PARD6G: variants seen among roughly 807,000 people sequenced by gnomAD.
PARD6G encodes par-6 family cell polarity regulator gamma.
PARD6G carries 7 observed loss-of-function variants against 10.7 expected under a neutral mutation model. That is an observed-to-expected ratio of 0.66 (90% CI 0.37 to 1.23). The LOEUF is 1.23. PARD6G is among the 50% of genes most tolerant of loss of function. PARD6G has a pLI of 0.02. For missense variants in PARD6G, 548 were observed against 571.8 expected (o/e 0.96, Z 0.42); for synonymous variants, 287 against 269.4 (o/e 1.07, Z -0.64).
intron 1 of PARD6G, among the ~76,000 whole-genome samples, chr18:80,245,652 A>G (rs1382806868): frequency 6.6e-6 from 1 of 152,126 alleles, no homozygotes; most frequent in African/African-American, 2.4e-5. Flanking sequence ...ATCTCAAAAT[A>G]AAAAGTTAAA....
At chr18:80,225,108 C>A (rs1967277295) in intron 1 of PARD6G, among the ~76,000 whole-genome samples, 1 of 152,222 alleles carries the variant, frequency 6.6e-6, no homozygotes, top group Non-Finnish European at 1.5e-5. Flanking sequence ...CAAAGTGCAG[C>A]TCTGGCTCAG....
chr18:80,246,107 A>G lies in PARD6G; in HGVS notation c.72+1170T>C, dbSNP rs1261585907. Among the ~76,000 whole-genome samples, 1 of 151,726 alleles carries G rather than the reference A, an allele frequency of 6.6e-6. No individual in the cohort carries two copies. The highest frequency in any genetic ancestry group is 2.4e-5 in the African/African-American group (1 of 41,278). ...CCTCCCCAGAGACAGGGGAGGGAAC[A>G]CCCGCCCTGCGCCCAAGATAGGCAC... On this transcript the variant is annotated intron_variant, in intron 1 of 2. Coordinates refer to ENST00000353265, the MANE Select transcript of PARD6G (RefSeq NM_032510.4). The surrounding 1 kb of genome is among the most constrained non-coding windows in gnomAD (Gnocchi z 6.7).
chr18:80,210,382 A>G (rs1394534756), intron 1 of PARD6G, among the ~76,000 whole-genome samples: 1 of 152,238 alleles, frequency 6.6e-6, no homozygotes, highest in Non-Finnish European at 1.5e-5. Flanking sequence ...TCTCAGTAAG[A>G]GCAGCAAGCT....
In PARD6G at chr18:80,157,958, G is replaced by C. The variant is rs2052666532; in HGVS notation, c.*1813C>G. ...TGGTGCTGGACCACAAGGAGAAGCA[G>C]CGGGAGGTACGCAGCTCCGACAACC... On this transcript the variant is annotated 3_prime_UTR_variant, in exon 3 of 3. Coordinates refer to ENST00000353265, the MANE Select transcript of PARD6G (RefSeq NM_032510.4). 6.6e-6 allele frequency: 1 copy of C among 152,306 alleles called. No homozygotes were observed. The highest frequency in any genetic ancestry group is 2.1e-4 in the South Asian group (1 of 4,828). The allele number at this position is 152,306 out of a possible 1,614,324, so 9.4% of individuals were successfully genotyped here.
At chr18:80,172,341 G>A (rs981090394) in intron 2 of PARD6G, among the ~76,000 whole-genome samples, 1 of 150,538 alleles carries the variant, frequency 6.6e-6, no homozygotes, top group Non-Finnish European at 1.5e-5. Context: ...TGTCTATTCA[G>A]ATCCTTTGCC....
At chr18:80,236,920 T>C (rs555169680) in intron 1 of PARD6G, among the ~76,000 whole-genome samples, 3,880 of 152,194 alleles carry the variant, frequency 0.025, 158 homozygotes, top group African/African-American at 0.089. Flanking sequence ...AATGGCCATA[T>C]TGCCCAAGGT....
At chr18:80,173,394 G>C (rs964346541) in intron 2 of PARD6G, among the ~76,000 whole-genome samples, 2 of 152,310 alleles carry the variant, frequency 1.3e-5, no homozygotes, top group Middle Eastern at 6.8e-3. Flanking sequence ...GGAGGCCGAA[G>C]TGAGTGGATC....
At chr18:80,211,666 A>G (rs1967109657) in intron 1 of PARD6G, among the ~76,000 whole-genome samples, 1 of 152,244 alleles carries the variant, frequency 6.6e-6, no homozygotes, top group Non-Finnish European at 1.5e-5. Flanking sequence ...CTAAGTATCC[A>G]TCAATGGATG....
chr18:80,160,053 G>A lies in PARD6G; in HGVS notation c.849C>T (p.Arg283=), dbSNP rs1380842504. The A allele has an allele frequency of 6.5e-7, 1 of 1,548,414 alleles. No homozygotes were observed. Among genetic ancestry groups the A allele is most frequent in the South Asian group, 1.3e-5 (1 of 79,940 alleles). ...CGTCGGGGTGGAAGTTCTGCAGGACGCGCGGGGCGGGGGGACCCACGAAGC... is the reference window on the plus strand; with the variant it reads ...CGTCGGGGTGGAAGTTCTGCAGGACACGCGGGGCGGGGGGACCCACGAAGC... ...TAGFVGPPAP[R]VLQNFHPDEA... The change falls in exon 3 of 3, where the codon CGC becomes CGT. Residue 283 remains arginine (R), a synonymous_variant. Coordinates refer to ENST00000353265, the MANE Select transcript of PARD6G (RefSeq NM_032510.4).
rs2052858363 is a variant in PARD6G, at chr18:80,183,522, C to T, written c.295+19188G>A. ...GTGATCCTGCCGGTCGTACACACAG[C>T]CCCAGCTCGAGCACTGTGCGGCCAC... On this transcript the variant is annotated intron_variant, in intron 2 of 2. Transcript: ENST00000353265. The surrounding 1 kb of genome is among the most constrained non-coding windows in gnomAD (Gnocchi z 4.5). 6.6e-6 allele frequency among the ~76,000 whole-genome samples: 1 copy of T among 152,128 alleles called. No homozygotes were observed. The highest frequency in any genetic ancestry group is 2.4e-5 in the African/African-American group (1 of 41,412).
At chr18:80,203,445 C>T (rs962859387) in intron 1 of PARD6G, among the ~76,000 whole-genome samples, 5 of 152,124 alleles carry the variant, frequency 3.3e-5, no homozygotes, top group African/African-American at 1.2e-4. Context: ...TCCACAGAGA[C>T]CCAGGACGGC....
At chr18:80,211,610 T>C (rs895309753) in intron 1 of PARD6G, among the ~76,000 whole-genome samples, 12 of 152,236 alleles carry the variant, frequency 7.9e-5, no homozygotes, top group African/African-American at 2.7e-4. Context: ...TATTTGTATA[T>C]CCATGTCCAT....
At chr18:80,193,178 C>T (rs866858619) in intron 2 of PARD6G, among the ~76,000 whole-genome samples, 2 of 152,184 alleles carry the variant, frequency 1.3e-5, no homozygotes, top group South Asian at 2.1e-4. Flanking sequence ...ACGTCCTCCC[C>T]ACTCCAGGTC....
intron 1 of PARD6G, among the ~76,000 whole-genome samples, chr18:80,223,735 C>CT (rs1028516025): frequency 6.6e-6 from 1 of 152,184 alleles, no homozygotes; most frequent in African/African-American, 2.4e-5. Context: ...CATGACAACC[C>CT]CGAGGACGGC....
chr18:80,218,114 C>A (rs1967190035), intron 1 of PARD6G, among the ~76,000 whole-genome samples: 1 of 152,100 alleles, frequency 6.6e-6, no homozygotes, highest in South Asian at 2.1e-4. Context: ...CACACCATAT[C>A]ATTCCACCCT....
At chr18:80,213,826 C>T (rs767150776) in intron 1 of PARD6G, among the ~76,000 whole-genome samples, 11 of 151,068 alleles carry the variant, frequency 7.3e-5, no homozygotes, top group Admixed American at 1.3e-4. Context: ...GGCGTGGTGG[C>T]GGGTGTGTGT....
At chr18:80,190,005 A>G (rs1286560023) in intron 2 of PARD6G, among the ~76,000 whole-genome samples, 3 of 152,120 alleles carry the variant, frequency 2.0e-5, no homozygotes, top group Non-Finnish European at 4.4e-5. Flanking sequence ...ATCACCCCAA[A>G]AAGAAACCCC....
At chr18:80,222,323 A>T (rs1342583424) in intron 1 of PARD6G, among the ~76,000 whole-genome samples, 4 of 152,150 alleles carry the variant, frequency 2.6e-5, no homozygotes, top group African/African-American at 9.7e-5. Context: ...TCCTAGGCTC[A>T]AGTGATCCTT....
chr18:80,233,480 C>G (rs1967382910), intron 1 of PARD6G, among the ~76,000 whole-genome samples: 1 of 152,148 alleles, frequency 6.6e-6, no homozygotes, highest in African/African-American at 2.4e-5. Flanking sequence ...CACTTTGAAG[C>G]CAGAGAAGTT....
Sources: allele counts gnomAD v4.1 joint callset (sites outside exome capture counted in the v4.1 genomes callset), GRCh38; gene constraint gnomAD v4.1.1; non-coding constraint Gnocchi (gnomAD v3.1); transcripts MANE v1.5; gene names NCBI Gene and HGNC (gene_info 2026-07-23, HGNC 2026-07-21).